NRXN1: variants seen among roughly 807,000 people sequenced by gnomAD.
NRXN1 encodes neurexin-1.
NRXN1 carries 39 observed loss-of-function variants against 150.9 expected under a neutral mutation model. The observed-to-expected ratio is 0.26, with a 90% confidence interval of 0.20 to 0.34. The LOEUF (loss-of-function observed/expected upper bound fraction) is 0.34, where lower values mean the gene tolerates loss of function less well. Among genes scored for constraint, NRXN1 ranks in the 10% least tolerant of loss-of-function variants. The pLI is 1.00. For missense variants in NRXN1, 1,815 were observed against 1,949.9 expected (o/e 0.93, Z 1.30); for synonymous variants, 924 against 757.0 (o/e 1.22, Z -3.62).
At chr2:50,994,131 T>G (rs1374991507) in intron 2 of NRXN1, among the ~76,000 whole-genome samples, 1 of 152,010 alleles carries the variant, frequency 6.6e-6, no homozygotes, top group Non-Finnish European at 1.5e-5. Context: ...TATTCACAGA[T>G]GAGAATACTG....
At chr2:50,207,490 T>C (rs1209267308) in intron 18 of NRXN1, 2 of 153,034 alleles carry the variant, frequency 1.3e-5, no homozygotes, top group Non-Finnish European at 2.9e-5. Context: ...TTATATATCT[T>C]CCCCTTAATC....
intron 2 of NRXN1, among the ~76,000 whole-genome samples, chr2:50,975,414 G>A (rs541311329): frequency 1.3e-5 from 2 of 152,072 alleles, no homozygotes; most frequent in South Asian, 4.1e-4. Context: ...ACACATACAA[G>A]TCTCTTTCCA....
intron 18 of NRXN1, among the ~76,000 whole-genome samples, chr2:50,153,900 T>C (rs1044823275): frequency 1.3e-5 from 2 of 151,704 alleles, no homozygotes; most frequent in African/African-American, 4.8e-5. Context: ...ATTTGACACT[T>C]TGAGTCTTAT....
At chr2:50,249,857 C>G (rs2066877525) in intron 17 of NRXN1, among the ~76,000 whole-genome samples, 2 of 152,022 alleles carry the variant, frequency 1.3e-5, no homozygotes, top group South Asian at 2.1e-4. Flanking sequence ...AGGCTTGTCT[C>G]AAACTCCTGA....
chr2:50,311,488 C>A (rs1436231090), intron 17 of NRXN1, among the ~76,000 whole-genome samples: 1 of 152,084 alleles, frequency 6.6e-6, no homozygotes, highest in Non-Finnish European at 1.5e-5. Flanking sequence ...AAACCATGCA[C>A]TGATAATCCG....
chr2:50,905,638 C>T, intron 5 of NRXN1, among the ~76,000 whole-genome samples: 1 of 152,072 alleles, frequency 6.6e-6, no homozygotes, highest in Non-Finnish European at 1.5e-5. Context: ...TCCTCTTTCC[C>T]AGTGAATCTA....
intron 18 of NRXN1, among the ~76,000 whole-genome samples, chr2:50,236,144 A>G (rs2065396252): frequency 6.6e-6 from 1 of 152,058 alleles, no homozygotes; most frequent in South Asian, 2.1e-4. Flanking sequence ...TTTGCTATCT[A>G]TTATATGCTG....
intron 17 of NRXN1, among the ~76,000 whole-genome samples, chr2:50,374,302 T>C (rs1044730207): frequency 5.5e-5 from 8 of 145,924 alleles, no homozygotes; most frequent in African/African-American, 2.0e-4. Flanking sequence ...AGAAAATAAA[T>C]AAATAAATAA....
In NRXN1 at chr2:50,370,590, C is replaced by T. The variant is rs568734727; in HGVS notation, c.3364+94852G>A. 2.6e-5 allele frequency among the ~76,000 whole-genome samples: 4 copies of T among 152,124 alleles called. No homozygotes were observed. The South Asian group carries it at 8.3e-4, about 31-fold the overall frequency. ...CTTGAGGGTTCATGTCCTTTGCAGA[C>T]AGTTCTCTGTATCTCCTTCTAAATT... On this transcript the variant is annotated intron_variant, in intron 17 of 22. Coordinates refer to ENST00000401669, the MANE Select transcript of NRXN1 (RefSeq NM_001330078.2).
At chr2:50,259,694 C>A (rs1249112361) in intron 17 of NRXN1, among the ~76,000 whole-genome samples, 2 of 151,816 alleles carry the variant, frequency 1.3e-5, no homozygotes, top group Non-Finnish European at 2.9e-5. Context: ...ATGAAACACA[C>A]ATGAATTGGC....
intron 5 of NRXN1, among the ~76,000 whole-genome samples, chr2:50,777,046 CT>C (rs1703736077): frequency 1.3e-5 from 2 of 152,110 alleles, no homozygotes; most frequent in African/African-American, 4.8e-5. Context: ...TTAGAATTAG[CT>C]TTCAAAGTTA....
intron 18 of NRXN1, among the ~76,000 whole-genome samples, chr2:50,209,684 G>A (rs2062868268): frequency 6.6e-6 from 1 of 152,044 alleles, no homozygotes; most frequent in Admixed American, 6.6e-5. Flanking sequence ...AAGTATGTAT[G>A]TAAATAAGAC....
At chr2:50,156,004 T>C (rs932832115) in intron 18 of NRXN1, among the ~76,000 whole-genome samples, 16 of 151,856 alleles carry the variant, frequency 1.1e-4, no homozygotes, top group African/African-American at 3.9e-4. Flanking sequence ...CACATGCAAA[T>C]AAATACATCT....
At chr2:50,388,523 C>T (rs905711680) in intron 17 of NRXN1, among the ~76,000 whole-genome samples, 1 of 152,070 alleles carries the variant, frequency 6.6e-6, no homozygotes, top group Non-Finnish European at 1.5e-5. Context: ...CAGGGTTTGG[C>T]TTTCCTGTAT....
intron 17 of NRXN1, among the ~76,000 whole-genome samples, chr2:50,434,049 T>C (rs1015104654): frequency 0.086 from 10,090 of 117,484 alleles, 1,683 homozygotes; most frequent in East Asian, 0.32. Context: ...AGCCATTTTT[T>C]TTTTTTTTTT....
intron 2 of NRXN1, among the ~76,000 whole-genome samples, chr2:51,020,359 A>C (rs1669412637): frequency 6.6e-6 from 1 of 151,934 alleles, no homozygotes; most frequent in Admixed American, 6.6e-5. Context: ...AATAAGGGAA[A>C]CAATGTCCTC....
At chr2:50,923,787 C>T (rs775197571) in intron 3 of NRXN1, among the ~76,000 whole-genome samples, 1 of 151,726 alleles carries the variant, frequency 6.6e-6, no homozygotes, top group Non-Finnish European at 1.5e-5. Context: ...AGCTATATAA[C>T]ATTACACATT....
At chr2:50,109,950 A>T (rs1702159375) in intron 18 of NRXN1, among the ~76,000 whole-genome samples, 1 of 152,196 alleles carries the variant, frequency 6.6e-6, no homozygotes, top group Admixed American at 6.5e-5. Flanking sequence ...GTGTGATTAT[A>T]TTGACAATGG....
At chr2:50,639,014 C>T (rs1016958197) in intron 5 of NRXN1, among the ~76,000 whole-genome samples, 5 of 151,980 alleles carry the variant, frequency 3.3e-5, no homozygotes, top group African/African-American at 7.2e-5. Context: ...CAATGGTTCA[C>T]CATCCAAACT....
Sources: allele counts gnomAD v4.1 joint callset (sites outside exome capture counted in the v4.1 genomes callset), GRCh38; gene constraint gnomAD v4.1.1; transcripts MANE v1.5; gene names NCBI Gene and HGNC (gene_info 2026-07-23, HGNC 2026-07-21).